CFAP91: variants seen among roughly 807,000 people sequenced by gnomAD.
CFAP91 encodes the protein cilia- and flagella-associated protein 91.
CFAP91 carries 85 observed loss-of-function variants against 95.9 expected under a neutral mutation model. The ratio of observed to expected loss-of-function variants is 0.89; its 90% CI spans 0.74 to 1.06. The LOEUF is 1.06. Ranked by LOEUF, CFAP91 falls within the 50% of genes least tolerant of loss-of-function variation. CFAP91 has a pLI of 0.00. For missense variants in CFAP91, 962 were observed against 943.4 expected, an observed-to-expected ratio of 1.02 and a Z score of -0.26; for synonymous variants, 335 against 327.5, an observed-to-expected ratio of 1.02 and a Z score of -0.25.
chr3:119,728,039 TAATG>T (rs1326445940), intron 7 of CFAP91, among the ~76,000 whole-genome samples: 1 of 151,890 alleles, frequency 6.6e-6, no homozygotes, highest in Non-Finnish European at 1.5e-5. Flanking sequence ...ATGATGATGA[TAATG>T]ATGATGATTA....
intron 17 of CFAP91, among the ~76,000 whole-genome samples, chr3:119,761,759 C>G (rs1051632934): frequency 6.6e-6 from 1 of 151,618 alleles, no homozygotes; most frequent in Non-Finnish European, 1.5e-5. Context: ...TCAATAGATT[C>G]AGAAAAAAAA....
intron 6 of CFAP91, among the ~76,000 whole-genome samples, chr3:119,717,930 C>G (rs1187406748): frequency 6.6e-6 from 1 of 151,938 alleles, no homozygotes; most frequent in Non-Finnish European, 1.5e-5. Flanking sequence ...CCAGGACCAC[C>G]TGGAAATAGC....
chr3:119,706,765 A>G (rs753190918), intron 1 of CFAP91, 44 bp from the exon 2 acceptor site: 7 of 1,383,470 alleles, frequency 5.1e-6, no homozygotes, highest in South Asian at 3.5e-5. Context: ...GCCTAGGGGT[A>G]GATATGTTCT....
intron 13 of CFAP91, among the ~76,000 whole-genome samples, chr3:119,743,220 C>A (rs2054154812): frequency 6.6e-6 from 1 of 151,596 alleles, no homozygotes; most frequent in Admixed American, 6.6e-5. Context: ...TGGGCGCAGG[C>A]AATTCTCCTG....
intron 12 of CFAP91, among the ~76,000 whole-genome samples, chr3:119,740,043 G>T (rs2054086656): frequency 6.6e-6 from 1 of 152,186 alleles, no homozygotes; most frequent in Admixed American, 6.5e-5. Flanking sequence ...ACTCATAAGA[G>T]ATTCAGATAT....
At chr3:119,704,516 T>G (rs897892608) in intron 1 of CFAP91, among the ~76,000 whole-genome samples, 8 of 152,172 alleles carry the variant, frequency 5.3e-5, no homozygotes, top group Admixed American at 5.2e-4. Context: ...ATTTAGCAAA[T>G]AAAAATACAA....
intron 8 of CFAP91, 31 bp downstream of exon 8, chr3:119,730,408 T>A: frequency 6.3e-7 from 1 of 1,593,518 alleles, no homozygotes; most frequent in Non-Finnish European, 8.5e-7. Flanking sequence ...ATGAAGACGG[T>A]GGAAAAGTGG....
chr3:119,746,755 T>C (rs2107907664), intron 14 of CFAP91, among the ~76,000 whole-genome samples: 1 of 152,328 alleles, frequency 6.6e-6, no homozygotes, highest in East Asian at 1.9e-4. Flanking sequence ...CCTCCTAGTC[T>C]GTGCTACAGT....
At chr3:119,715,403 G>T (rs180738357) in intron 5 of CFAP91, 159 bp from the exon 6 acceptor site, 1 of 738,210 alleles carries the variant, frequency 1.4e-6, no homozygotes, top group Non-Finnish European at 2.4e-6. Context: ...AGATTTGTGC[G>T]CATAATCCTG....
chr3:119,733,239 T>G, intron 9 of CFAP91, 125 bp from the exon 10 acceptor site: 48 of 879,668 alleles, frequency 5.5e-5, no homozygotes, highest in Non-Finnish European at 7.5e-5. Context: ...TTCTATTATA[T>G]GAGATACACC....
chr3:119,717,804 C>T (rs766458736), intron 6 of CFAP91, among the ~76,000 whole-genome samples: 2 of 152,138 alleles, frequency 1.3e-5, no homozygotes, highest in Non-Finnish European at 1.5e-5. Flanking sequence ...TTGGCCCCAC[C>T]TTGGGCTTCA....
Position 119,740,632 on chromosome 3 carries a change from G to GA in CFAP91, c.1623dup (p.Ala542SerfsTer17). On this transcript the variant is annotated frameshift_variant, in exon 13 of 18. Transcript: ENST00000273390. LOFTEE classifies it high-confidence loss of function. ...CACTACAAGAAGATGAAAAGCTGGT[G>GA]AAAAAAGCCGAGAAGCAAGTGACCC... The GA allele has an allele frequency of 6.8e-6, 11 of 1,614,222 alleles. No homozygotes were observed. The highest frequency in any genetic ancestry group is 9.3e-6 in the Non-Finnish European group (11 of 1,180,024).
intron 14 of CFAP91, 99 bp downstream of exon 14, chr3:119,744,295 G>C (rs752081549): frequency 2.1e-5 from 20 of 933,370 alleles, no homozygotes; most frequent in Non-Finnish European, 3.2e-5. Flanking sequence ...TTTTGTTTAT[G>C]CATTGAGTTC....
At chr3:119,735,262 A>G (rs778634197) in intron 10 of CFAP91, among the ~76,000 whole-genome samples, 5 of 152,034 alleles carry the variant, frequency 3.3e-5, no homozygotes, top group Non-Finnish European at 7.4e-5. Context: ...TTATACTCCT[A>G]TATTTATTCT....
chr3:119,761,464 A>G (rs1358978621), intron 17 of CFAP91, among the ~76,000 whole-genome samples: 1 of 151,900 alleles, frequency 6.6e-6, no homozygotes, highest in African/African-American at 2.4e-5. Flanking sequence ...AAAATTGAAG[A>G]GGAGGGAATA....
Position 119,732,269 on chromosome 3 carries a change from G to A in CFAP91, c.1019-25G>A, listed in dbSNP as rs761804420. ...AATTCAGAACAATATTTTAGAGATAGTCATGGAGGTATGTTTTATTTCAGC... is the reference window on the plus strand; with the variant it reads ...AATTCAGAACAATATTTTAGAGATAATCATGGAGGTATGTTTTATTTCAGC... On this transcript the variant is annotated intron_variant, in intron 8 of 17. Coordinates refer to ENST00000273390, the MANE Select transcript of CFAP91 (RefSeq NM_033364.4). The A allele has an allele frequency of 1.9e-6, 3 of 1,556,036 alleles. No homozygotes were observed. In the South Asian group the frequency reaches 3.5e-5, roughly 18 times the overall value.
At position 119,738,332 on chromosome 3, in the gene CFAP91, CTTTTTTTTTTTTTTTT is replaced by C. The variant is rs556125660; in HGVS notation, c.1461+869_1461+884del. ...TGCAGGGCTTTGGTTGACATATTGT[CTTTTTTTTTTTTTTTT>C]TTTTTTTTTTTTTTTTTTGAGACAG... On this transcript the variant is annotated intron_variant, in intron 11 of 17. Transcript: ENST00000273390. Among the ~76,000 whole-genome samples, 177 of 23,090 alleles carry C rather than the reference CTTTTTTTTTTTTTTTT, an allele frequency of 7.7e-3. 4 individuals carry two copies. The highest frequency in any genetic ancestry group is 9.2e-3 in the African/African-American group (96 of 10,394). 15.1% of individuals were successfully genotyped at this position (23,090 alleles called of 152,430 possible).
Position 119,740,702 on chromosome 3 carries a change from C to CA in CFAP91, c.1680+7_1680+8insA, listed in dbSNP as rs755477049. The stretch of plus-strand genomic sequence containing the variant: ...GAACTTGCATGAGCACAAGGTTTTC[C>CA]TTTTTTTGTTTTCTTGTTACTTTCT... On this transcript the variant is annotated splice_region_variant and intron_variant, in intron 13 of 17. Transcript: ENST00000273390. 1 of 1,612,000 alleles carries CA rather than the reference C, an allele frequency of 6.2e-7. No individual in the cohort carries two copies.
chr3:119,751,732 G>A lies in CFAP91; in HGVS notation c.*1+634G>A, dbSNP rs140695623. Among the ~76,000 whole-genome samples, 89 of 152,292 alleles carry A rather than the reference G, an allele frequency of 5.8e-4. 2 individuals carry two copies. The East Asian group carries it at 0.013, about 23-fold the overall frequency. On this transcript the variant is annotated intron_variant, in intron 17 of 17. Coordinates refer to ENST00000273390, the MANE Select transcript of CFAP91 (RefSeq NM_033364.4). Reference sequence around the variant, plus strand: ...TTTTCTTTAGTCCTTAGTTTACGGAGTGCAGATACAATACAAGGAAAAGAG... The same window carrying A: ...TTTTCTTTAGTCCTTAGTTTACGGAATGCAGATACAATACAAGGAAAAGAG...
Sources: allele counts gnomAD v4.1 joint callset (sites outside exome capture counted in the v4.1 genomes callset), GRCh38; gene constraint gnomAD v4.1.1; transcripts MANE v1.5; gene names NCBI Gene and HGNC (gene_info 2026-07-23, HGNC 2026-07-21).